EDA2R: variants seen among roughly 807,000 people sequenced by gnomAD.
EDA2R encodes the protein ectodysplasin A2 receptor.
In EDA2R, 26 loss-of-function variants were observed where a neutral mutation model predicts 20.1. The ratio of observed to expected loss-of-function variants is 1.30; its 90% CI spans 0.95 to 1.80. The LOEUF (loss-of-function observed/expected upper bound fraction) is 1.80, where lower values mean the gene tolerates loss of function less well. Among genes scored for constraint, EDA2R ranks in the 40% most tolerant of loss-of-function variants. EDA2R has a pLI of 0.00. For synonymous variants in EDA2R, 114 were observed against 88.7 expected (o/e 1.29, Z -1.60); for missense variants, 277 against 228.7 (o/e 1.21, Z -1.36).
At chrX:66,605,023 G>A (rs752977601) in intron 3 of EDA2R, 25 bp downstream of exon 3, 9 of 1,176,904 alleles carry the variant, frequency 7.6e-6, no homozygotes, top group Non-Finnish European at 1.0e-5. Context: ...GCCCAGACAA[G>A]CTTGGTCTCA....
Position 66,638,219 on chromosome X carries a change from G to A in EDA2R, c.-11+776C>T, listed in dbSNP as rs777385629. On this transcript the variant is annotated intron_variant, in intron 1 of 6. Transcript: ENST00000374719. Reference sequence around the variant, plus strand: ...GCACAGACTAGCTCAGTGAGTCTGCGGAGTTGAAGGTATGTTGGGGTGAAG... The same window carrying A: ...GCACAGACTAGCTCAGTGAGTCTGCAGAGTTGAAGGTATGTTGGGGTGAAG... 1.7e-4 allele frequency among the ~76,000 whole-genome samples: 19 copies of A among 111,573 alleles called. No individual in the cohort carries two copies. The South Asian group carries it at 2.7e-3, about 16-fold the overall frequency.
At chrX:66,629,867 GA>G (rs1358568579) in intron 1 of EDA2R, among the ~76,000 whole-genome samples, 3 of 110,533 alleles carry the variant, frequency 2.7e-5, no homozygotes, top group Non-Finnish European at 5.7e-5. Context: ...AACCAAAAAA[GA>G]GCCCACATAA....
chrX:66,618,289 G>C (rs1188572882), intron 1 of EDA2R, among the ~76,000 whole-genome samples: 1 of 111,882 alleles, frequency 8.9e-6, no homozygotes, highest in African/African-American at 3.2e-5. Context: ...CAAAATTATA[G>C]ATTCTGGACT....
chrX:66,620,444 C>A (rs12007692), intron 1 of EDA2R, among the ~76,000 whole-genome samples: 7,282 of 111,284 alleles, frequency 0.065, 589 homozygotes, highest in African/African-American at 0.23. Context: ...AAAATTAACT[C>A]ACAATAGACT....
intron 6 of EDA2R, 120 bp downstream of exon 6, chrX:66,599,354 C>T: frequency 1.2e-6 from 1 of 837,006 alleles, no homozygotes; most frequent in Non-Finnish European, 1.6e-6. Flanking sequence ...GTGTTCCTAG[C>T]TTGCTGCTGT....
Position 66,611,716 on chromosome X carries a change from C to A in EDA2R, c.87+4218G>T, listed in dbSNP as rs1308313629. 2.7e-5 allele frequency among the ~76,000 whole-genome samples: 3 copies of A among 110,668 alleles called. No homozygotes were observed. In the South Asian group the frequency reaches 1.1e-3, roughly 42 times the overall value. The stretch of plus-strand genomic sequence containing the variant: ...AGACTATAACAAAATATAGAAAAAT[C>A]ATATTGTCAGAATCTTATGAAAAGA... On this transcript the variant is annotated intron_variant, in intron 2 of 6. Coordinates refer to ENST00000374719, the MANE Select transcript of EDA2R (RefSeq NM_021783.5).
At chrX:66,611,077 C>T (rs1035067414) in intron 2 of EDA2R, among the ~76,000 whole-genome samples, 2 of 111,408 alleles carry the variant, frequency 1.8e-5, no homozygotes, top group Non-Finnish European at 3.8e-5. Flanking sequence ...AGTGACCTGG[C>T]CCAGGAAATC....
chrX:66,625,858 C>T (rs925925603), intron 1 of EDA2R, among the ~76,000 whole-genome samples: 2 of 112,057 alleles, frequency 1.8e-5, no homozygotes, highest in Admixed American at 1.9e-4. Flanking sequence ...AGACAACCCC[C>T]AGTACCAGCC....
chrX:66,610,862 G>T (rs1930622679), intron 2 of EDA2R, among the ~76,000 whole-genome samples: 1 of 111,549 alleles, frequency 9.0e-6, no homozygotes, highest in Non-Finnish European at 1.9e-5. Context: ...ACAATAGGCT[G>T]CAGGGGGCAC....
In EDA2R at chrX:66,595,856, A is replaced by G. The variant is rs1029738922; in HGVS notation, c.*2248T>C. The G allele has an allele frequency of 2.7e-5, 3 of 110,857 alleles. No homozygotes were observed. The highest frequency in any genetic ancestry group is 9.9e-5 in the African/African-American group (3 of 30,432). 9.1% of individuals were successfully genotyped at this position (110,857 alleles called of 1,213,427 possible). A position where few individuals can be genotyped will look rare whatever the true frequency, so the allele number is the denominator to read the frequency against. On this transcript the variant is annotated 3_prime_UTR_variant, in exon 7 of 7. Coordinates refer to ENST00000374719, the MANE Select transcript of EDA2R (RefSeq NM_021783.5). ...GGTGGGGTTGGTAGAGAGGAGTGGG[A>G]CAGGAGGGATTATGATCTCAATGTG... is the stretch of plus-strand genomic sequence containing the variant.
intron 1 of EDA2R, among the ~76,000 whole-genome samples, chrX:66,618,254 A>C (rs1178997468): frequency 8.9e-6 from 1 of 111,812 alleles, no homozygotes; most frequent in African/African-American, 3.3e-5. Context: ...TTCGACGCTT[A>C]ACAAATTGAC....
At chrX:66,612,267 G>A (rs1313598850) in intron 2 of EDA2R, among the ~76,000 whole-genome samples, 6 of 111,029 alleles carry the variant, frequency 5.4e-5, no homozygotes, top group Admixed American at 4.8e-4. Context: ...AAGGAACACT[G>A]GGAAAGAAAA....
At chrX:66,600,690 G>C (rs1285971635) in intron 5 of EDA2R, among the ~76,000 whole-genome samples, 3 of 111,932 alleles carry the variant, frequency 2.7e-5, no homozygotes, top group African/African-American at 9.8e-5. Context: ...GGCCATGATA[G>C]AAAAGTAATA....
intron 2 of EDA2R, among the ~76,000 whole-genome samples, chrX:66,609,462 C>G (rs1440781771): frequency 9.0e-6 from 1 of 111,591 alleles, no homozygotes; most frequent in Non-Finnish European, 1.9e-5. Context: ...TACTCATGCT[C>G]TAAGTTTCTT....
chrX:66,623,663 A>G (rs926947535), intron 1 of EDA2R, among the ~76,000 whole-genome samples: 8 of 111,391 alleles, frequency 7.2e-5, no homozygotes, highest in South Asian at 3.8e-4. Context: ...TCTTCACTCC[A>G]CCCATGCTGG....
At chrX:66,598,799 T>A (rs890333063) in intron 6 of EDA2R, among the ~76,000 whole-genome samples, 2 of 112,091 alleles carry the variant, frequency 1.8e-5, no homozygotes, top group African/African-American at 3.2e-5. Flanking sequence ...AAGTGGGCAC[T>A]GCAAGATATT....
At chrX:66,616,336 A>C (rs1931685113) in intron 1 of EDA2R, among the ~76,000 whole-genome samples, 1 of 112,642 alleles carries the variant, frequency 8.9e-6, no homozygotes, top group African/African-American at 3.2e-5. Flanking sequence ...TCAAATTCAC[A>C]GTCAGTGGCT....
chrX:66,601,299 A>G (rs1928552258), intron 5 of EDA2R, among the ~76,000 whole-genome samples: 1 of 111,754 alleles, frequency 8.9e-6, no homozygotes, highest in South Asian at 3.8e-4. Context: ...TTTCATGTCC[A>G]TGCACCCAGG....
At chrX:66,625,864 C>T (rs1933019308) in intron 1 of EDA2R, among the ~76,000 whole-genome samples, 2 of 111,935 alleles carry the variant, frequency 1.8e-5, no homozygotes, top group South Asian at 7.5e-4. Flanking sequence ...CCCCCAGTAC[C>T]AGCCCAAAGC....
Sources: allele counts gnomAD v4.1 joint callset (sites outside exome capture counted in the v4.1 genomes callset), GRCh38; gene constraint gnomAD v4.1.1; transcripts MANE v1.5; gene names NCBI Gene and HGNC (gene_info 2026-07-23, HGNC 2026-07-21).